Variants in MEGF6 observed in about 807,000 individuals in gnomAD.
MEGF6 encodes the protein multiple epidermal growth factor-like domains protein 6.
Under a neutral mutation model 207.1 loss-of-function variants are expected in MEGF6, and 184 were observed. The observed-to-expected ratio is 0.89, with a 90% CI of 0.79 to 1.00. The LOEUF (loss-of-function observed/expected upper bound fraction) is 1.00. Among genes scored for constraint, MEGF6 ranks in the 50% least tolerant of loss-of-function variants. The probability of loss-of-function intolerance (pLI) is 0.00; values close to 1 mark genes in which losing one functional copy is unlikely to be tolerated. For synonymous variants in MEGF6, 1,038 were observed against 910.0 expected, an observed-to-expected ratio of 1.14 and a Z score of -2.53; for missense variants, 2,282 against 2,202.9, an observed-to-expected ratio of 1.04 and a Z score of -0.72.
the MEGF6 span, among the ~76,000 whole-genome samples, chr1:3,620,946 G>GGA: frequency 3.3e-5 from 5 of 152,280 alleles, no homozygotes; most frequent in East Asian, 3.9e-4. Flanking sequence ...CAGCTGAGGC[G>GGA]GAGAGAGAGA....
At chr1:3,514,274 A>C (rs1374563808) in intron 7 of MEGF6, among the ~76,000 whole-genome samples, 1 of 151,614 alleles carries the variant, frequency 6.6e-6, no homozygotes, top group Non-Finnish European at 1.5e-5. Context: ...GAAATACAAT[A>C]GTTTAAAAAC....
Position 3,489,192 on chromosome 1 carries a change from GTCCAT to G in MEGF6, c.*1331_*1335del, listed in dbSNP as rs1230089969. On this transcript the variant is annotated 3_prime_UTR_variant, in exon 37 of 37. Transcript: ENST00000356575. ...TCTACTTTAAAGTCTCCCCACAGCG[GTCCAT>G]TCATCAGCTTCCTCTGTGACAGCTC... is the stretch of plus-strand genomic sequence containing the variant. 6.6e-6 allele frequency among the ~76,000 whole-genome samples: 1 copy of G among 152,188 alleles called. No homozygotes were observed. The highest frequency in any genetic ancestry group is 1.5e-5 in the Non-Finnish European group (1 of 68,048).
the MEGF6 span, among the ~76,000 whole-genome samples, chr1:3,619,768 A>G: frequency 6.6e-6 from 1 of 152,196 alleles, no homozygotes; most frequent in African/African-American, 2.4e-5. Context: ...GTGAACGTGG[A>G]CTAATACAGA....
At position 3,583,342 on chromosome 1, in the gene MEGF6, G is replaced by GCAGCCACCAGACAACCCA. The variant is rs1250650412; in HGVS notation, c.377-3414_377-3413insTGGGTTGTCTGGTGGCTG. 7.0e-4 allele frequency among the ~76,000 whole-genome samples: 67 copies of GCAGCCACCAGACAACCCA among 95,222 alleles called. 1 individual carries two copies. The highest frequency in any genetic ancestry group is 3.8e-3 in the East Asian group (10 of 2,626). The allele number at this position is 95,222 out of a possible 152,430, so 62.5% of individuals were successfully genotyped here. Reference sequence around the variant, plus strand: ...ACAACCCACAGCCACCAGACAACGCGCAGCCACCAGACAACGCGCAGCCAC... The same window carrying GCAGCCACCAGACAACCCA: ...ACAACCCACAGCCACCAGACAACGCGCAGCCACCAGACAACCCACAGCCACCAGACAACGCGCAGCCAC... On this transcript the variant is annotated intron_variant, in intron 3 of 36. Coordinates refer to ENST00000356575, the MANE Select transcript of MEGF6 (RefSeq NM_001409.4).
At chr1:3,616,681 C>T in the MEGF6 span, among the ~76,000 whole-genome samples, 3 of 152,138 alleles carry the variant, frequency 2.0e-5, no homozygotes, top group Non-Finnish European at 4.4e-5. Context: ...TTTGGGTAGC[C>T]GACTCTGAAT....
chr1:3,557,855 C>T (rs1643081028), intron 4 of MEGF6, among the ~76,000 whole-genome samples: 1 of 152,190 alleles, frequency 6.6e-6, no homozygotes, highest in Non-Finnish European at 1.5e-5. Flanking sequence ...ATCTATGAGG[C>T]GCCGTCCGGG....
chr1:3,513,565 A>C (rs1192956970), intron 7 of MEGF6, among the ~76,000 whole-genome samples: 3 of 129,320 alleles, frequency 2.3e-5, no homozygotes, highest in Admixed American at 8.5e-5. Context: ...GGTGTGAGCC[A>C]CCACACCTGG....
At chr1:3,552,588 G>A (rs1307422703) in intron 4 of MEGF6, among the ~76,000 whole-genome samples, 2 of 152,220 alleles carry the variant, frequency 1.3e-5, no homozygotes, top group South Asian at 2.1e-4. Context: ...CCAGCTACTC[G>A]GAGGCTAAGG....
At chr1:3,506,265 TTGG>T (rs1194686784) in intron 14 of MEGF6, 29 bp from the exon 15 acceptor site, 1 of 1,602,462 alleles carries the variant, frequency 6.2e-7, no homozygotes, top group Non-Finnish European at 8.5e-7. Context: ...CATGTGAACC[TTGG>T]TGGCAGCCAG....
intron 4 of MEGF6, among the ~76,000 whole-genome samples, chr1:3,567,889 T>C (rs1643392438): frequency 6.6e-6 from 1 of 152,108 alleles, no homozygotes; most frequent in African/African-American, 2.4e-5. Flanking sequence ...CTTAGGTGGC[T>C]GAGACCTGCC....
chr1:3,569,481 A>G (rs1281820766), intron 4 of MEGF6, among the ~76,000 whole-genome samples: 1 of 152,246 alleles, frequency 6.6e-6, no homozygotes, highest in African/African-American at 2.4e-5. Flanking sequence ...CCTGAAGTCC[A>G]GGGAATCTGG....
chr1:3,497,484 T>C, intron 26 of MEGF6, 123 bp from the exon 27 acceptor site: 3 of 1,255,924 alleles, frequency 2.4e-6, no homozygotes, highest in East Asian at 2.7e-5. Context: ...CTGGGGGCTG[T>C]GCTCACCATT....
chr1:3,490,027 CAGG>C lies in MEGF6; in HGVS notation c.*498_*500del, dbSNP rs1640288809. ...TGAATCAGGGTTTCTGGGGATTGGGCAGGAGATGACAGGCAGCTTCCAGCTGAT... is the reference window on the plus strand; with the variant it reads ...TGAATCAGGGTTTCTGGGGATTGGGCAGATGACAGGCAGCTTCCAGCTGAT... On this transcript the variant is annotated 3_prime_UTR_variant, in exon 37 of 37. Transcript: ENST00000356575. The C allele has an allele frequency of 1.3e-5, 2 of 158,608 alleles. No individual in the cohort carries two copies. The highest frequency in any genetic ancestry group is 2.8e-5 in the Non-Finnish European group (2 of 72,466). 9.8% of individuals were successfully genotyped at this position (158,608 alleles called of 1,614,324 possible).
intron 3 of MEGF6, among the ~76,000 whole-genome samples, chr1:3,587,138 C>G (rs1643904049): frequency 6.6e-6 from 1 of 152,274 alleles, no homozygotes; most frequent in Non-Finnish European, 1.5e-5. Flanking sequence ...GACAAGCTGT[C>G]TGTTGCTTAA....
chr1:3,617,623 T>C, the MEGF6 span, among the ~76,000 whole-genome samples: 10 of 152,060 alleles, frequency 6.6e-5, no homozygotes, highest in Non-Finnish European at 1.5e-4. Flanking sequence ...CATGGACCCC[T>C]GAACTTAAAA....
At chr1:3,529,748 C>A (rs560118858) in intron 4 of MEGF6, among the ~76,000 whole-genome samples, 3 of 152,334 alleles carry the variant, frequency 2.0e-5, no homozygotes, top group African/African-American at 7.2e-5. Flanking sequence ...CAGCTCCCAG[C>A]CCAGGACTAC....
chr1:3,526,460 C>T (rs1570055809), intron 4 of MEGF6, among the ~76,000 whole-genome samples: 1 of 148,286 alleles, frequency 6.7e-6, no homozygotes, highest in South Asian at 2.1e-4. Flanking sequence ...TGCAATGGTG[C>T]AACCTCGGCT....
chr1:3,493,994 A>C lies in MEGF6; in HGVS notation c.4258+2T>G, dbSNP rs1466429499. 6.3e-7 allele frequency: 1 copy of C among 1,597,444 alleles called. No individual in the cohort carries two copies. Among genetic ancestry groups the C allele is most frequent in the South Asian group, 1.1e-5 (1 of 89,042 alleles). On this transcript the variant is annotated splice_donor_variant, in intron 33 of 36. Transcript: ENST00000356575. LOFTEE classifies it high-confidence loss of function. ...GGGTTCAGGGAGGCACCAAGCACTC[A>C]CCCCTCTCACAGAAGTGGCCGTGGA...
intron 4 of MEGF6, among the ~76,000 whole-genome samples, chr1:3,553,223 T>A (rs1642936691): frequency 7.0e-6 from 1 of 143,662 alleles, no homozygotes; most frequent in Non-Finnish European, 1.5e-5. Flanking sequence ...AGGATGGGGA[T>A]CCACGGCCGA....
Sources: allele counts gnomAD v4.1 joint callset (sites outside exome capture counted in the v4.1 genomes callset), GRCh38; gene constraint gnomAD v4.1.1; transcripts MANE v1.5; gene names NCBI Gene and HGNC (gene_info 2026-07-23, HGNC 2026-07-21).